The following TNFRSF1B variants were observed in gnomAD, a reference collection of about 807,000 sequenced individuals.
TNFRSF1B encodes tumor necrosis factor receptor superfamily member 1B.
In TNFRSF1B, 19 loss-of-function variants were observed where a neutral mutation model predicts 44.6. That is an observed-to-expected ratio of 0.43 (90% CI 0.30 to 0.62). The LOEUF (loss-of-function observed/expected upper bound fraction) is 0.62, where lower values mean the gene tolerates loss of function less well. Among genes scored for constraint, TNFRSF1B ranks in the 20% least tolerant of loss-of-function variants. The probability of loss-of-function intolerance (pLI) is 0.16; values close to 1 mark genes in which losing one functional copy is unlikely to be tolerated. For synonymous variants in TNFRSF1B, 252 were observed against 261.1 expected (o/e 0.97, Z 0.34); for missense variants, 541 against 619.9 (o/e 0.87, Z 1.35).
chr1:12,178,321 T>A lies in TNFRSF1B; in HGVS notation c.79-10475T>A, dbSNP rs1030508662. On this transcript the variant is annotated intron_variant, in intron 1 of 9. Transcript: ENST00000376259. The surrounding 1 kb of genome is among the most constrained non-coding windows in gnomAD (Gnocchi z 4.3). ...AGCAGAAGCACGGGTGACACTGAGC[T>A]CTTTCCACTGCCGGGCACGGTGCCA... Among the ~76,000 whole-genome samples, 5 of 152,128 alleles carry A rather than the reference T, an allele frequency of 3.3e-5. No homozygotes were observed. The East Asian group carries it at 9.6e-4, about 29-fold the overall frequency.
At chr1:12,200,389 G>A (rs1369094198) in intron 8 of TNFRSF1B, among the ~76,000 whole-genome samples, 2 of 151,950 alleles carry the variant, frequency 1.3e-5, no homozygotes, top group African/African-American at 2.4e-5. Context: ...TCTCTGCCCC[G>A]GAATGATTGA....
intron 2 of TNFRSF1B, among the ~76,000 whole-genome samples, chr1:12,189,640 C>T (rs181811764): frequency 7.9e-5 from 12 of 152,320 alleles, no homozygotes; most frequent in Admixed American, 6.5e-4. Context: ...GAGAGCAGGG[C>T]AGACAAAACC....
In TNFRSF1B at chr1:12,199,739, C is replaced by T. The variant is rs1250176959; in HGVS notation, c.901-2228C>T. The stretch of plus-strand genomic sequence containing the variant: ...GGTGGCACCTGCGCTGCTCGCTCCA[C>T]CCCTGCTCTCACCTCCCGCTGCAGT... On this transcript the variant is annotated intron_variant, in intron 8 of 9. Coordinates refer to ENST00000376259, the MANE Select transcript of TNFRSF1B (RefSeq NM_001066.3). This position sits in a 1 kb window ranked among gnomAD's most constrained non-coding sequence, Gnocchi z 4.0. Among the ~76,000 whole-genome samples, 2 of 152,180 alleles carry T rather than the reference C, an allele frequency of 1.3e-5. No homozygotes were observed. Among genetic ancestry groups the T allele is most frequent in the Non-Finnish European group, 2.9e-5 (2 of 68,030 alleles).
At chr1:12,206,298 C>T (rs140462306) in intron 9 of TNFRSF1B, among the ~76,000 whole-genome samples, 41 of 148,904 alleles carry the variant, frequency 2.8e-4, no homozygotes, top group Non-Finnish European at 5.5e-4. Context: ...CACTTGAGGC[C>T]GGGAGGCAGA....
chr1:12,170,659 A>C (rs1319042198), intron 1 of TNFRSF1B, among the ~76,000 whole-genome samples: 1 of 151,868 alleles, frequency 6.6e-6, no homozygotes, highest in Non-Finnish European at 1.5e-5. Flanking sequence ...CTCTACACCA[A>C]CTCACTTCTT....
chr1:12,207,955 T>G lies in TNFRSF1B; in HGVS notation c.*935T>G, dbSNP rs1413261640. Reference sequence around the variant, plus strand: ...GCCTCCAAATGCCAACTTGTCCTTTTGTACCATGGTGTGAAAGTCAGATGC... The same window carrying G: ...GCCTCCAAATGCCAACTTGTCCTTTGGTACCATGGTGTGAAAGTCAGATGC... On this transcript the variant is annotated 3_prime_UTR_variant, in exon 10 of 10. Coordinates refer to ENST00000376259, the MANE Select transcript of TNFRSF1B (RefSeq NM_001066.3). 6.6e-6 allele frequency: 1 copy of G among 151,670 alleles called. No homozygotes were observed. Among genetic ancestry groups the G allele is most frequent in the East Asian group, 1.9e-4 (1 of 5,178 alleles). 9.4% of individuals were successfully genotyped at this position (151,670 alleles called of 1,614,324 possible).
At chr1:12,194,538 T>G (rs1639223400) in intron 7 of TNFRSF1B, 46 bp from the exon 8 acceptor site, 2 of 1,612,774 alleles carry the variant, frequency 1.2e-6, no homozygotes, top group Non-Finnish European at 1.7e-6. Flanking sequence ...AGGACAGATG[T>G]GCCTGAGGAA....
At chr1:12,192,322 C>A (rs1354965432) in intron 4 of TNFRSF1B, 109 bp from the exon 5 acceptor site, 2 of 856,032 alleles carry the variant, frequency 2.3e-6, no homozygotes, top group Non-Finnish European at 3.9e-6. Context: ...GGTGGAGGTG[C>A]AGACAGAGCT....
intron 9 of TNFRSF1B, among the ~76,000 whole-genome samples, chr1:12,203,317 G>A (rs1426495979): frequency 2.0e-5 from 3 of 152,190 alleles, no homozygotes; most frequent in Non-Finnish European, 2.9e-5. Flanking sequence ...CTGGGCACCA[G>A]ACCAGGGCCA....
At chr1:12,191,565 G>C in intron 3 of TNFRSF1B, 1 of 640,280 alleles carries the variant, frequency 1.6e-6, no homozygotes. Flanking sequence ...GCGGAGAGTA[G>C]CGGGACTGCG....
intron 8 of TNFRSF1B, among the ~76,000 whole-genome samples, chr1:12,201,523 C>T (rs1639390219): frequency 6.6e-6 from 1 of 150,968 alleles, no homozygotes; most frequent in Non-Finnish European, 1.5e-5. Context: ...CAAGGTCACA[C>T]AGCAAGTGAG....
At position 12,187,716 on chromosome 1, in the gene TNFRSF1B, G is replaced by C. The variant is rs1639017944; in HGVS notation, c.79-1080G>C. Reference sequence around the variant, plus strand: ...GAGACCACACACCTGTCTCAGGTAGGGTCTTCCAGAAGCAGAGCCTGAGGC... The same window carrying C: ...GAGACCACACACCTGTCTCAGGTAGCGTCTTCCAGAAGCAGAGCCTGAGGC... On this transcript the variant is annotated intron_variant, in intron 1 of 9. Transcript: ENST00000376259. The surrounding 1 kb of genome is among the most constrained non-coding windows in gnomAD (Gnocchi z 5.5). 6.6e-6 allele frequency among the ~76,000 whole-genome samples: 1 copy of C among 152,198 alleles called. No individual in the cohort carries two copies. The highest frequency in any genetic ancestry group is 1.5e-5 in the Non-Finnish European group (1 of 68,036).
rs1638714758 is a variant in TNFRSF1B at position 12,178,543 on chromosome 1, C to A, written c.79-10253C>A. ...GAGGCACGAGGGAACCAATAATTAA[C>A]CAAAACTGGTCGGGTGTGGGCAGTA... On this transcript the variant is annotated intron_variant, in intron 1 of 9. Coordinates refer to ENST00000376259, the MANE Select transcript of TNFRSF1B (RefSeq NM_001066.3). The surrounding 1 kb of genome is among the most constrained non-coding windows in gnomAD (Gnocchi z 4.3). Among the ~76,000 whole-genome samples, 1 of 152,164 alleles carries A rather than the reference C, an allele frequency of 6.6e-6. No homozygotes were observed. The highest frequency in any genetic ancestry group is 2.4e-5 in the African/African-American group (1 of 41,438).
chr1:12,192,108 G>A (rs1639150646), intron 4 of TNFRSF1B, among the ~76,000 whole-genome samples, 185 bp downstream of exon 4: 1 of 152,202 alleles, frequency 6.6e-6, no homozygotes, highest in Non-Finnish European at 1.5e-5. Context: ...CAGCACTCCC[G>A]ATTAGGCACC....
rs1044270827 is a variant in TNFRSF1B at position 12,177,246 on chromosome 1, A to G, written c.78+10077A>G. ...GGTCTTGAACTCCTGACCTCAGGTGATCCACCTGCCTTGGCCTCCCAGAGT... is the reference window on the plus strand; with the variant it reads ...GGTCTTGAACTCCTGACCTCAGGTGGTCCACCTGCCTTGGCCTCCCAGAGT... On this transcript the variant is annotated intron_variant, in intron 1 of 9. Coordinates refer to ENST00000376259, the MANE Select transcript of TNFRSF1B (RefSeq NM_001066.3). The surrounding 1 kb of genome is among the most constrained non-coding windows in gnomAD (Gnocchi z 4.3). Among the ~76,000 whole-genome samples the G allele has an allele frequency of 6.6e-6, 1 of 152,018 alleles. No individual in the cohort carries two copies. The highest frequency in any genetic ancestry group is 1.5e-5 in the Non-Finnish European group (1 of 67,984).
At position 12,183,744 on chromosome 1, in the gene TNFRSF1B, TCTATCTAGCTAGCTAG is replaced by T. The variant is rs1295839916; in HGVS notation, c.79-5048_79-5033del. Among the ~76,000 whole-genome samples, 12 of 103,858 alleles carry T rather than the reference TCTATCTAGCTAGCTAG, an allele frequency of 1.2e-4. 1 individual carries two copies. Among genetic ancestry groups the T allele is most frequent in the African/African-American group, 3.6e-4 (11 of 30,726 alleles). The allele number at this position is 103,858 out of a possible 152,430, so 68.1% of individuals were successfully genotyped here. Reference sequence around the variant, plus strand: ...ACCTATCTATCTATCTATCTATCTATCTATCTAGCTAGCTAGCTAGCTAGCTATCTATTCTATCTAC... The same window carrying T: ...ACCTATCTATCTATCTATCTATCTATCTAGCTAGCTATCTATTCTATCTAC... On this transcript the variant is annotated intron_variant, in intron 1 of 9. Transcript: ENST00000376259.
chr1:12,190,078 A>C (rs1639078142), intron 2 of TNFRSF1B, among the ~76,000 whole-genome samples: 1 of 152,092 alleles, frequency 6.6e-6, no homozygotes, highest in Non-Finnish European at 1.5e-5. Flanking sequence ...GAGCCAATGG[A>C]GGGCTTTGAG....
In TNFRSF1B at chr1:12,178,340, G is replaced by A. The variant is rs982636181; in HGVS notation, c.79-10456G>A. ...CTGAGCTCTTTCCACTGCCGGGCAC[G>A]GTGCCAAGCACGCCACGTATACTGA... On this transcript the variant is annotated intron_variant, in intron 1 of 9. Coordinates refer to ENST00000376259, the MANE Select transcript of TNFRSF1B (RefSeq NM_001066.3). The surrounding 1 kb of genome is among the most constrained non-coding windows in gnomAD (Gnocchi z 4.3). 1.3e-5 allele frequency among the ~76,000 whole-genome samples: 2 copies of A among 152,176 alleles called. No individual in the cohort carries two copies. The highest frequency in any genetic ancestry group is 2.9e-5 in the Non-Finnish European group (2 of 68,028).
chr1:12,167,320 G>C (rs529807488), intron 1 of TNFRSF1B, 151 bp downstream of exon 1: 1 of 552,184 alleles, frequency 1.8e-6, no homozygotes, highest in East Asian at 3.8e-5. Context: ...ATCCGCATCA[G>C]ACACGCGCGC....
Sources: gnomAD v4.1 joint callset for allele counts (sites outside exome capture counted in the v4.1 genomes callset) on GRCh38, gnomAD v4.1.1 for gene constraint, Gnocchi (gnomAD v3.1) non-coding constraint, MANE v1.5 for transcripts, NCBI Gene and HGNC (gene_info 2026-07-23, HGNC 2026-07-21) for gene names.